The following KLHL24 variants were observed in gnomAD, a reference collection of about 807,000 sequenced individuals.
KLHL24 encodes kelch-like protein 24.
KLHL24 carries 29 observed loss-of-function variants against 53.4 expected under a neutral mutation model. That is an observed-to-expected ratio of 0.54 (90% CI 0.40 to 0.74). KLHL24 has a LOEUF of 0.74. Ranked by LOEUF, KLHL24 falls within the 30% of genes least tolerant of loss-of-function variation. The probability of loss-of-function intolerance (pLI) is 0.00; values close to 1 mark genes in which losing one functional copy is unlikely to be tolerated. For synonymous variants in KLHL24, 222 were observed against 253.7 expected, an observed-to-expected ratio of 0.88 and a Z score of 1.19; for missense variants, 504 against 744.0, an observed-to-expected ratio of 0.68 and a Z score of 3.75.
intron 1 of KLHL24, among the ~76,000 whole-genome samples, chr3:183,640,856 T>A (rs1338926103): frequency 6.6e-6 from 1 of 152,082 alleles, no homozygotes; most frequent in Non-Finnish European, 1.5e-5. Flanking sequence ...TGCCTCAGCC[T>A]CTCAAAGTGC....
At chr3:183,668,755 A>T (rs982151685) in intron 5 of KLHL24, among the ~76,000 whole-genome samples, 1 of 152,174 alleles carries the variant, frequency 6.6e-6, no homozygotes, top group African/African-American at 2.4e-5. Context: ...AATACAAAAA[A>T]TTAGCTGGGC....
intron 3 of KLHL24, among the ~76,000 whole-genome samples, chr3:183,653,545 G>A (rs1203248835): frequency 6.6e-6 from 1 of 152,178 alleles, no homozygotes; most frequent in Admixed American, 6.5e-5. Flanking sequence ...CAGAACAAAG[G>A]CAGTTAATTA....
At chr3:183,656,853 G>T (rs1440911917) in intron 3 of KLHL24, among the ~76,000 whole-genome samples, 1 of 150,026 alleles carries the variant, frequency 6.7e-6, no homozygotes, top group East Asian at 2.0e-4. Context: ...TTGAGCCCAG[G>T]AGTTCGAGAC....
chr3:183,674,243 TTTTCTTTCTTTCTTTCTTTC>T (rs370677824), intron 7 of KLHL24, among the ~76,000 whole-genome samples: 117 of 131,070 alleles, frequency 8.9e-4, no homozygotes, highest in African/African-American at 2.5e-3. Context: ...TTAGCATCAA[TTTTCTTTCTTTCTTTCTTTC>T]TTTCTTTCTT....
At chr3:183,639,274 A>T (rs1715903683) in intron 1 of KLHL24, among the ~76,000 whole-genome samples, 7 of 152,188 alleles carry the variant, frequency 4.6e-5, no homozygotes, top group Admixed American at 4.6e-4. Context: ...TGTCACTACT[A>T]AGATAAATAT....
At chr3:183,676,950 G>A (rs868545632) in intron 7 of KLHL24, among the ~76,000 whole-genome samples, 11 of 147,638 alleles carry the variant, frequency 7.5e-5, no homozygotes, top group African/African-American at 1.7e-4. Flanking sequence ...ATCATGTTTC[G>A]TTTCAGTCTT....
At chr3:183,641,326 C>T (rs989159970) in intron 1 of KLHL24, among the ~76,000 whole-genome samples, 1 of 151,968 alleles carries the variant, frequency 6.6e-6, no homozygotes, top group African/African-American at 2.4e-5. Flanking sequence ...AACCCCGTCT[C>T]TACTAAAAAT....
At chr3:183,638,144 A>G (rs1027390722) in intron 1 of KLHL24, among the ~76,000 whole-genome samples, 3 of 152,234 alleles carry the variant, frequency 2.0e-5, no homozygotes, top group African/African-American at 7.2e-5. Context: ...ATGTATCTAA[A>G]TGAGTACAAA....
In KLHL24 at chr3:183,649,523, T is replaced by TA. The variant is rs71750006; in HGVS notation, c.-61-760dup. Among the ~76,000 whole-genome samples the TA allele has an allele frequency of 2.3e-3, 321 of 139,180 alleles. 2 individuals are homozygous for TA. Among genetic ancestry groups the TA allele is most frequent in the South Asian group, 0.011 (47 of 4,292 alleles). 91.3% of individuals were successfully genotyped at this position (139,180 alleles called of 152,430 possible). A position where few individuals can be genotyped will look rare whatever the true frequency, so the allele number is the denominator to read the frequency against. The stretch of plus-strand genomic sequence containing the variant: ...TGATTATTTCCTTAGGAGAGAGTGC[T>TA]AAAAAAAAAAAAAGGACTTGCTGGT... On this transcript the variant is annotated intron_variant, in intron 2 of 7. Transcript: ENST00000242810.
intron 1 of KLHL24, among the ~76,000 whole-genome samples, chr3:183,640,870 G>A (rs572047603): frequency 1.6e-4 from 24 of 152,128 alleles, no homozygotes; most frequent in African/African-American, 5.8e-4. Context: ...AAAGTGCTGG[G>A]ACTGCAGGCG....
At chr3:183,676,898 GA>G (rs1325409059) in intron 7 of KLHL24, among the ~76,000 whole-genome samples, 1 of 140,546 alleles carries the variant, frequency 7.1e-6, no homozygotes, top group Non-Finnish European at 1.5e-5. Context: ...AAAATAACGA[GA>G]GGGTTTTTTG....
chr3:183,637,905 C>T (rs1469749332), intron 1 of KLHL24, among the ~76,000 whole-genome samples: 1 of 152,180 alleles, frequency 6.6e-6, no homozygotes, highest in Non-Finnish European at 1.5e-5. Flanking sequence ...GTGATCCGCC[C>T]GCCTCAGCCT....
intron 7 of KLHL24, among the ~76,000 whole-genome samples, chr3:183,675,063 T>C (rs1576984720): frequency 6.6e-6 from 1 of 152,234 alleles, no homozygotes; most frequent in African/African-American, 2.4e-5. Context: ...GTTTATTTCC[T>C]ATACTAGAAT....
intron 3 of KLHL24, among the ~76,000 whole-genome samples, chr3:183,653,327 T>C (rs1718389995): frequency 6.6e-6 from 1 of 152,236 alleles, no homozygotes; most frequent in Non-Finnish European, 1.5e-5. Flanking sequence ...TATCTGTTAC[T>C]GCATGTTTGC....
intron 5 of KLHL24, among the ~76,000 whole-genome samples, chr3:183,667,467 C>T (rs918865817): frequency 3.3e-5 from 5 of 152,116 alleles, no homozygotes; most frequent in Admixed American, 1.3e-4. Flanking sequence ...GTCAGATCAG[C>T]GCACATTAGG....
At chr3:183,652,898 C>T (rs573499206) in intron 3 of KLHL24, among the ~76,000 whole-genome samples, 62 of 152,036 alleles carry the variant, frequency 4.1e-4, no homozygotes, top group Non-Finnish European at 6.0e-4. Flanking sequence ...ACTCAGCCTG[C>T]ATATCTCATA....
At position 183,663,858 on chromosome 3, in the gene KLHL24, C is replaced by T. The variant is rs990534849; in HGVS notation, c.1105+216C>T. Among the ~76,000 whole-genome samples the T allele has an allele frequency of 2.6e-5, 4 of 151,942 alleles. No individual in the cohort carries two copies. The highest frequency in any genetic ancestry group is 2.1e-4 in the South Asian group (1 of 4,812). On this transcript the variant is annotated intron_variant, in intron 4 of 7. Coordinates refer to ENST00000242810, the MANE Select transcript of KLHL24 (RefSeq NM_017644.3). The surrounding 1 kb of genome is among the most constrained non-coding windows in gnomAD (Gnocchi z 4.9). ...CTGTAATCCCAGCACTTTGGGAGGC[C>T]GAGGCAAGCAGATCACCGGGTCAGG...
intron 7 of KLHL24, among the ~76,000 whole-genome samples, chr3:183,674,298 T>TC (rs912414163): frequency 6.7e-6 from 1 of 150,168 alleles, no homozygotes; most frequent in African/African-American, 2.5e-5. Context: ...TTTCTTTCTT[T>TC]CTTTCCTTTC....
chr3:183,641,703 T>TC (rs1716474159), intron 1 of KLHL24, among the ~76,000 whole-genome samples: 1 of 152,086 alleles, frequency 6.6e-6, no homozygotes, highest in Admixed American at 6.6e-5. Context: ...TGTTGTTGGT[T>TC]CCTTTGTTTT....
Sources: allele counts gnomAD v4.1 joint callset (sites outside exome capture counted in the v4.1 genomes callset), GRCh38; gene constraint gnomAD v4.1.1; non-coding constraint Gnocchi (gnomAD v3.1); transcripts MANE v1.5; gene names NCBI Gene and HGNC (gene_info 2026-07-23, HGNC 2026-07-21).